Variants in NECAB1 observed in about 807,000 individuals in gnomAD.
NECAB1 encodes the protein N-terminal EF-hand calcium-binding protein 1.
A neutral mutation model predicts 57.5 loss-of-function variants in NECAB1; 29 were observed. That is an observed-to-expected ratio of 0.50 (90% confidence interval 0.38 to 0.69). The LOEUF (loss-of-function observed/expected upper bound fraction) is 0.69. Among genes scored for constraint, NECAB1 ranks in the 30% least tolerant of loss-of-function variants. The pLI, the probability that NECAB1 is intolerant of heterozygous loss-of-function variation, is 0.00. For missense variants in NECAB1, 372 were observed against 413.8 expected (o/e 0.90, Z 0.88); for synonymous variants, 142 against 147.7 (o/e 0.96, Z 0.28).
At chr8:90,947,801 G>C (rs1340397419) in intron 10 of NECAB1, among the ~76,000 whole-genome samples, 4 of 152,190 alleles carry the variant, frequency 2.6e-5, no homozygotes, top group African/African-American at 9.7e-5. Context: ...GCTAATAAAT[G>C]GTGGATGGTG....
In NECAB1 at chr8:90,947,315, C is replaced by A. The variant is rs968105997; in HGVS notation, c.861-2492C>A. Among the ~76,000 whole-genome samples the A allele has an allele frequency of 5.5e-4, 79 of 144,160 alleles. 3 individuals are homozygous for A. The East Asian group carries it at 0.01, about 19-fold the overall frequency. 94.6% of individuals were successfully genotyped at this position (144,160 alleles called of 152,430 possible). On this transcript the variant is annotated intron_variant, in intron 10 of 12. Coordinates refer to ENST00000417640, the MANE Select transcript of NECAB1 (RefSeq NM_022351.5). The stretch of plus-strand genomic sequence containing the variant: ...GGCTAACAACACATACACACACACA[C>A]ACACACACACACACACACACACACA...
chr8:90,841,323 G>T (rs1199497853), intron 3 of NECAB1, among the ~76,000 whole-genome samples: 1 of 151,728 alleles, frequency 6.6e-6, no homozygotes, highest in Non-Finnish European at 1.5e-5. Context: ...ATAGTGCATA[G>T]AAGTGACCTA....
At chr8:90,809,703 T>C (rs1026917040) in intron 2 of NECAB1, among the ~76,000 whole-genome samples, 2 of 152,204 alleles carry the variant, frequency 1.3e-5, no homozygotes, top group African/African-American at 4.8e-5. Context: ...AAAAGCTTGA[T>C]TTTGTTGTAA....
At chr8:90,794,331 T>C (rs1811625001) in intron 1 of NECAB1, among the ~76,000 whole-genome samples, 1 of 152,242 alleles carries the variant, frequency 6.6e-6, no homozygotes, top group African/African-American at 2.4e-5. Flanking sequence ...ATATATTCTA[T>C]GGCACTAGCA....
chr8:90,926,383 G>A (rs1810272164), intron 7 of NECAB1, among the ~76,000 whole-genome samples: 1 of 152,078 alleles, frequency 6.6e-6, no homozygotes. Context: ...TATGAATAAA[G>A]CCTTATTTTA....
At chr8:90,928,355 A>C in intron 8 of NECAB1, 56 bp downstream of exon 8, 1 of 1,321,868 alleles carries the variant, frequency 7.6e-7, no homozygotes, top group East Asian at 2.4e-5. Flanking sequence ...TTGTTACCTA[A>C]TATTCCCCAT....
chr8:90,954,747 T>C (rs1810987926), intron 12 of NECAB1, among the ~76,000 whole-genome samples: 2 of 150,792 alleles, frequency 1.3e-5, no homozygotes, highest in African/African-American at 4.9e-5. Context: ...TGTGTATAAA[T>C]ATATGGTATT....
At chr8:90,824,062 T>C (rs1027843311) in intron 2 of NECAB1, among the ~76,000 whole-genome samples, 3 of 151,852 alleles carry the variant, frequency 2.0e-5, no homozygotes, top group African/African-American at 7.2e-5. Flanking sequence ...TCCCATACAG[T>C]TAAAATACCT....
Position 90,801,709 on chromosome 8 carries a change from A to C in NECAB1, c.118A>C (p.Lys40Gln). 1 of 1,525,506 alleles carries C rather than the reference A, an allele frequency of 6.6e-7. No individual in the cohort carries two copies. Among genetic ancestry groups the C allele is most frequent in the Non-Finnish European group, 8.8e-7 (1 of 1,130,914 alleles). The allele number at this position is 1,525,506 out of a possible 1,614,324, so 94.5% of individuals were successfully genotyped here. A position where few individuals can be genotyped will look rare whatever the true frequency, so the allele number is the denominator to read the frequency against. ...TTTCCAGATACTGAGGAGAGCAGAC[A>C]AAAATGGTAAGACCAAAAATCTACA... Reference protein sequence around the residue: ...IFLDILRRADKNDDGKLSFEE... With the variant: ...IFLDILRRADQNDDGKLSFEE... Residue 40 changes from lysine (K) to glutamine (Q), a missense_variant, in exon 2 of 13, where the codon AAA becomes CAA. Coordinates refer to ENST00000417640, the MANE Select transcript of NECAB1 (RefSeq NM_022351.5).
chr8:90,799,528 C>CCTACTAT (rs1811726286), intron 1 of NECAB1, among the ~76,000 whole-genome samples: 1 of 152,146 alleles, frequency 6.6e-6, no homozygotes, highest in African/African-American at 2.4e-5. Flanking sequence ...CTGCATATGA[C>CCTACTAT]CTACTAGCTA....
At chr8:90,812,370 T>G (rs1487772750) in intron 2 of NECAB1, among the ~76,000 whole-genome samples, 1 of 152,228 alleles carries the variant, frequency 6.6e-6, no homozygotes, top group Non-Finnish European at 1.5e-5. Flanking sequence ...AGTGTTTTTT[T>G]CTTACTTTTC....
At chr8:90,834,947 T>C (rs898206143) in intron 3 of NECAB1, among the ~76,000 whole-genome samples, 7 of 151,984 alleles carry the variant, frequency 4.6e-5, no homozygotes, top group African/African-American at 1.7e-4. Flanking sequence ...TGTAATCATA[T>C]ACACATCTAT....
At position 90,831,285 on chromosome 8, in the gene NECAB1, A is replaced by G. The variant is rs540819866; in HGVS notation, c.233+6460A>G. On this transcript the variant is annotated intron_variant, in intron 3 of 12. Coordinates refer to ENST00000417640, the MANE Select transcript of NECAB1 (RefSeq NM_022351.5). ...CATGCATATCCCTGGACAAATCAGCATTTTCAAGAAAACATAATGCAAAAT... is the reference window on the plus strand; with the variant it reads ...CATGCATATCCCTGGACAAATCAGCGTTTTCAAGAAAACATAATGCAAAAT... Among the ~76,000 whole-genome samples the G allele has an allele frequency of 4.6e-5, 7 of 152,234 alleles. No homozygotes were observed. The South Asian group carries it at 1.5e-3, about 32-fold the overall frequency.
chr8:90,850,253 G>T (rs904586721), intron 3 of NECAB1, among the ~76,000 whole-genome samples: 1 of 152,170 alleles, frequency 6.6e-6, no homozygotes, highest in African/African-American at 2.4e-5. Flanking sequence ...TAAATGAAAT[G>T]ATTTAACACG....
At chr8:90,938,885 A>G (rs1248291485) in intron 9 of NECAB1, among the ~76,000 whole-genome samples, 1 of 152,222 alleles carries the variant, frequency 6.6e-6, no homozygotes, top group Non-Finnish European at 1.5e-5. Flanking sequence ...GCTGGGATCA[A>G]CTGGCTGGTT....
chr8:90,862,196 TATAGA>T (rs1808403538), intron 3 of NECAB1, among the ~76,000 whole-genome samples: 1 of 152,140 alleles, frequency 6.6e-6, no homozygotes, highest in Non-Finnish European at 1.5e-5. Context: ...TCAAACAAAA[TATAGA>T]ATATCCTGTA....
At chr8:90,840,177 G>A (rs958471055) in intron 3 of NECAB1, among the ~76,000 whole-genome samples, 1 of 152,220 alleles carries the variant, frequency 6.6e-6, no homozygotes, top group African/African-American at 2.4e-5. Context: ...TTCACGGATT[G>A]AGTTAGACGT....
At chr8:90,882,534 C>T (rs996238535) in intron 5 of NECAB1, among the ~76,000 whole-genome samples, 1 of 152,016 alleles carries the variant, frequency 6.6e-6, no homozygotes, top group Non-Finnish European at 1.5e-5. Context: ...GGAAACTTCT[C>T]TCCAGAAATG....
chr8:90,804,015 C>A (rs752462243), intron 2 of NECAB1, among the ~76,000 whole-genome samples: 1 of 152,120 alleles, frequency 6.6e-6, no homozygotes, highest in Non-Finnish European at 1.5e-5. Flanking sequence ...TGATTATTGT[C>A]CTTAAGGTGG....
Sources: gnomAD v4.1 joint callset for allele counts (sites outside exome capture counted in the v4.1 genomes callset) on GRCh38, gnomAD v4.1.1 for gene constraint, MANE v1.5 for transcripts, NCBI Gene and HGNC (gene_info 2026-07-23, HGNC 2026-07-21) for gene names.